Variants in LRP1B observed in about 807,000 individuals in gnomAD.
LRP1B encodes the protein low-density lipoprotein receptor-related protein 1B.
In LRP1B, 217 loss-of-function variants were observed where a neutral mutation model predicts 556.6. The observed-to-expected ratio is 0.39, with a 90% CI of 0.35 to 0.44. The LOEUF (loss-of-function observed/expected upper bound fraction) is 0.44, where lower values mean the gene tolerates loss of function less well. Among genes scored for constraint, LRP1B ranks in the 20% least tolerant of loss-of-function variants. LRP1B has a pLI of 1.00. For synonymous variants in LRP1B, 2,047 were observed against 1,865.8 expected (o/e 1.10, Z -2.50); for missense variants, 5,053 against 5,620.8 (o/e 0.90, Z 3.23).
intron 2 of LRP1B, among the ~76,000 whole-genome samples, chr2:141,605,487 A>T (rs1687886450): frequency 6.6e-6 from 1 of 152,064 alleles, no homozygotes; most frequent in Non-Finnish European, 1.5e-5. Flanking sequence ...GGTTTATGGG[A>T]TCATTAAAGG....
rs1693307941 is a variant in LRP1B at position 140,876,457 on chromosome 2, A to G, written c.4169+7360T>C. Among the ~76,000 whole-genome samples the G allele has an allele frequency of 1.3e-5, 2 of 152,128 alleles. 1 individual carries two copies. The highest frequency in any genetic ancestry group is 4.1e-4 in the South Asian group (2 of 4,824). On this transcript the variant is annotated intron_variant, in intron 25 of 90. Transcript: ENST00000389484. Reference sequence around the variant, plus strand: ...TTTGTAATAGGACACAATTGGAGAAACTGGTTATTTTATCAAGGCTTTGAC... The same window carrying G: ...TTTGTAATAGGACACAATTGGAGAAGCTGGTTATTTTATCAAGGCTTTGAC...
Position 140,247,099 on chromosome 2 carries a change from A to G in LRP1B, c.13311T>C (p.Asp4437=), listed in dbSNP as rs1193569911. Residue 4437 remains aspartate, a synonymous_variant, in exon 87 of 91, where the codon GAT becomes GAC. Coordinates refer to ENST00000389484, the MANE Select transcript of LRP1B (RefSeq NM_018557.3). Reference sequence around the variant, plus strand: ...TGAGAAACTTACTTGTGCTGATATGATCAGACTTGCTGCTCTTTGGGGCTG... The same window carrying G: ...TGAGAAACTTACTTGTGCTGATATGGTCAGACTTGCTGCTCTTTGGGGCTG... ...ERPAPKSSKS[D]HISTRSIAII... is the part of the protein sequence containing the mutation. 6.2e-7 allele frequency: 1 copy of G among 1,608,978 alleles called. No homozygotes were observed. The highest frequency in any genetic ancestry group is 8.5e-7 in the Non-Finnish European group (1 of 1,176,402).
chr2:140,685,318 ATTGT>A (rs1419506872), intron 41 of LRP1B, among the ~76,000 whole-genome samples: 1 of 152,178 alleles, frequency 6.6e-6, no homozygotes, highest in African/African-American at 2.4e-5. Flanking sequence ...AAGACTCAAA[ATTGT>A]TTGTGCCAAT....
intron 1 of LRP1B, among the ~76,000 whole-genome samples, chr2:141,984,203 C>A (rs1056716778): frequency 3.3e-5 from 5 of 151,940 alleles, no homozygotes; most frequent in African/African-American, 1.2e-4. Flanking sequence ...TACATGTGCA[C>A]AACGTGCAGG....
rs1680543807 is a variant in LRP1B at position 140,233,209 on chromosome 2, C to A, written c.13777G>T (p.Gly4593Cys). 2 of 1,600,812 alleles carry A rather than the reference C, an allele frequency of 1.2e-6. No individual in the cohort carries two copies. Among genetic ancestry groups the A allele is most frequent in the African/African-American group, 2.7e-5 (2 of 74,224 alleles). ...KELLPKKIEI[G>C]IRETVA The stretch of plus-strand genomic sequence containing the variant: ...GATTATGCCACTGTCTCTCTTATAC[C>A]AATTTCTATTTTCTTTGGAAGCAGT... The change falls in exon 91 of 91, where the codon GGT becomes TGT. Residue 4593 changes from glycine (G) to cysteine (C), a missense_variant. Around this residue, in one of 5 missense-constraint regions of LRP1B, gnomAD observed 551 missense variants for 592.0 expected, o/e 0.93. Transcript: ENST00000389484.
chr2:140,456,323 G>C (rs932730764), intron 62 of LRP1B, 132 bp downstream of exon 62: 32 of 791,146 alleles, frequency 4.0e-5, no homozygotes, highest in Non-Finnish European at 5.7e-5. Flanking sequence ...ATTTTAATGA[G>C]ATGTTATAGT....
intron 2 of LRP1B, among the ~76,000 whole-genome samples, chr2:141,555,275 C>A (rs546430030): frequency 7.2e-5 from 11 of 152,076 alleles, no homozygotes; most frequent in African/African-American, 2.2e-4. Context: ...CAGAGGAAGT[C>A]ATGAAATGCT....
chr2:141,020,183 T>C, intron 11 of LRP1B, 81 bp from the exon 12 acceptor site: 1 of 888,224 alleles, frequency 1.1e-6, no homozygotes, highest in Non-Finnish European at 1.6e-6. Flanking sequence ...AGCTACCTAA[T>C]AAAAACTTTA....
At chr2:141,450,194 T>G (rs1681363100) in intron 3 of LRP1B, among the ~76,000 whole-genome samples, 2 of 152,144 alleles carry the variant, frequency 1.3e-5, no homozygotes, top group South Asian at 4.1e-4. Flanking sequence ...ATTGCACACT[T>G]TCTATCTACT....
chr2:141,303,017 A>G (rs1686453819), intron 3 of LRP1B, among the ~76,000 whole-genome samples: 2 of 152,104 alleles, frequency 1.3e-5, no homozygotes, highest in South Asian at 4.1e-4. Flanking sequence ...TGAAAATGCC[A>G]CCAACAGATG....
intron 7 of LRP1B, among the ~76,000 whole-genome samples, chr2:141,182,818 CG>C (rs981766652): frequency 6.6e-6 from 1 of 150,550 alleles, no homozygotes. Context: ...ACTTTTGTTA[CG>C]GGGGGGAGTT....
chr2:140,842,230 A>T (rs541285410), intron 29 of LRP1B, among the ~76,000 whole-genome samples: 22 of 152,196 alleles, frequency 1.4e-4, no homozygotes, highest in Non-Finnish European at 3.2e-4. Flanking sequence ...GAAACTCCAG[A>T]TCTGTAAAGT....
chr2:142,103,681 A>G (rs1444565525), intron 1 of LRP1B, among the ~76,000 whole-genome samples: 2 of 152,104 alleles, frequency 1.3e-5, no homozygotes, highest in African/African-American at 4.8e-5. Flanking sequence ...AATACCATTT[A>G]ACATTCTAAT....
At chr2:141,146,893 C>G (rs1264102113) in intron 7 of LRP1B, among the ~76,000 whole-genome samples, 2 of 152,122 alleles carry the variant, frequency 1.3e-5, no homozygotes, top group Non-Finnish European at 2.9e-5. Flanking sequence ...TATTTTCCAG[C>G]CTCTACTCCC....
intron 2 of LRP1B, among the ~76,000 whole-genome samples, chr2:141,740,886 T>C (rs1377383344): frequency 5.9e-5 from 9 of 152,094 alleles, no homozygotes; most frequent in Non-Finnish European, 8.8e-5. Context: ...TTTGTACCCA[T>C]TAACCATCCT....
chr2:142,025,950 A>G lies in LRP1B; in HGVS notation c.82+104698T>C, dbSNP rs77602955. ...CATCTTCCATAAATTTTCACTCTCC[A>G]TTGCCTGTAAGCTCACAGAGAGTGA... On this transcript the variant is annotated intron_variant, in intron 1 of 90. Transcript: ENST00000389484. 4.5e-3 allele frequency among the ~76,000 whole-genome samples: 688 copies of G among 152,214 alleles called. 5 individuals are homozygous for G. Among genetic ancestry groups the G allele is most frequent in the African/African-American group, 0.016 (647 of 41,562 alleles).
At chr2:142,127,367 AATCCATCC>A (rs71391674) in intron 1 of LRP1B, among the ~76,000 whole-genome samples, 236 of 150,132 alleles carry the variant, frequency 1.6e-3, no homozygotes, top group African/African-American at 5.3e-3. Flanking sequence ...TGTATGGCAG[AATCCATCC>A]ATCCATCCAT....
chr2:141,990,513 G>GT (rs762267603), intron 1 of LRP1B, among the ~76,000 whole-genome samples: 10 of 151,836 alleles, frequency 6.6e-5, no homozygotes, highest in Admixed American at 2.6e-4. Context: ...GAATTGACAA[G>GT]TTTTTTTACA....
chr2:140,945,506 T>A (rs890827372), intron 20 of LRP1B, among the ~76,000 whole-genome samples: 11 of 151,868 alleles, frequency 7.2e-5, no homozygotes, highest in Admixed American at 4.6e-4. Context: ...GGTACAAAAA[T>A]AGACACACAG....
Sources: allele counts gnomAD v4.1 joint callset (sites outside exome capture counted in the v4.1 genomes callset), GRCh38; gene constraint gnomAD v4.1.1; regional missense constraint gnomAD v4.1.1; transcripts MANE v1.5; gene names NCBI Gene and HGNC (gene_info 2026-07-23, HGNC 2026-07-21).